The following ROBO1 variants were observed in gnomAD, a reference collection of about 807,000 sequenced individuals.
ROBO1 encodes roundabout homolog 1.
In ROBO1, 149 loss-of-function variants were observed where a neutral mutation model predicts 195.9. The ratio of observed to expected loss-of-function variants is 0.76; its 90% CI spans 0.67 to 0.87. ROBO1 has a LOEUF of 0.87. Among genes scored for constraint, ROBO1 ranks in the 40% least tolerant of loss-of-function variants. ROBO1 has a pLI of 0.00. For missense variants in ROBO1, 1,933 were observed against 2,068.3 expected, an observed-to-expected ratio of 0.93 and a Z score of 1.27; for synonymous variants, 816 against 733.2, an observed-to-expected ratio of 1.11 and a Z score of -1.82.
At chr3:78,954,225 A>G (rs2040928586) in intron 3 of ROBO1, among the ~76,000 whole-genome samples, 1 of 152,058 alleles carries the variant, frequency 6.6e-6, no homozygotes, top group Non-Finnish European at 1.5e-5. Context: ...CTGACTAACT[A>G]AAGCCATCTA....
chr3:79,460,047 T>A (rs2039754793), intron 2 of ROBO1, among the ~76,000 whole-genome samples: 1 of 152,154 alleles, frequency 6.6e-6, no homozygotes, highest in South Asian at 2.1e-4. Context: ...AGCATCAATT[T>A]TGATTCAAAA....
chr3:79,344,962 C>T (rs770918608), intron 2 of ROBO1, among the ~76,000 whole-genome samples: 2 of 152,132 alleles, frequency 1.3e-5, no homozygotes, highest in African/African-American at 2.4e-5. Context: ...GACTGCTTCC[C>T]CTTCCACCAT....
intron 4 of ROBO1, among the ~76,000 whole-genome samples, chr3:78,861,068 A>G (rs891115148): frequency 3.9e-5 from 6 of 152,088 alleles, no homozygotes; most frequent in African/African-American, 1.2e-4. Flanking sequence ...AATTTCCTAT[A>G]GATATATCTG....
chr3:79,625,839 G>A (rs764008457), intron 1 of ROBO1, among the ~76,000 whole-genome samples: 4 of 152,046 alleles, frequency 2.6e-5, no homozygotes, highest in East Asian at 1.9e-4. Flanking sequence ...AAGGGGGGAC[G>A]CCTCTCTAAC....
chr3:79,680,202 TA>T (rs1468169232), intron 1 of ROBO1, among the ~76,000 whole-genome samples: 1 of 151,914 alleles, frequency 6.6e-6, no homozygotes, highest in African/African-American at 2.4e-5. Context: ...AAGTGACACT[TA>T]TCATTTTCAT....
intron 3 of ROBO1, among the ~76,000 whole-genome samples, chr3:79,082,531 T>A (rs2079292988): frequency 6.6e-6 from 1 of 152,210 alleles, no homozygotes; most frequent in Admixed American, 6.5e-5. Context: ...AATAAATATT[T>A]ACAAGAGTGT....
chr3:79,689,725 G>A (rs1947244221), intron 1 of ROBO1, among the ~76,000 whole-genome samples: 1 of 151,920 alleles, frequency 6.6e-6, no homozygotes, highest in Admixed American at 6.6e-5. Context: ...TTAGCAATAT[G>A]CTAATACTTT....
At chr3:78,963,521 C>CTTT (rs1374749983) in intron 3 of ROBO1, among the ~76,000 whole-genome samples, 5 of 53,878 alleles carry the variant, frequency 9.3e-5, no homozygotes, top group East Asian at 1.4e-3. Flanking sequence ...TTTTTTTTTT[C>CTTT]TTTTTTTTTT....
intron 2 of ROBO1, among the ~76,000 whole-genome samples, chr3:79,324,147 C>G (rs1280842087): frequency 6.6e-6 from 1 of 152,330 alleles, no homozygotes; most frequent in Non-Finnish European, 1.5e-5. Context: ...TGACCTCACA[C>G]TGGCCATAAG....
At chr3:79,506,689 C>T (rs10154835) in intron 2 of ROBO1, among the ~76,000 whole-genome samples, 46,384 of 151,978 alleles carry the variant, frequency 0.31, 7,340 homozygotes, top group Non-Finnish European at 0.35. Flanking sequence ...GTGATCCACC[C>T]GCCTTGGCCT....
chr3:79,469,954 G>A (rs1437873288), intron 2 of ROBO1, among the ~76,000 whole-genome samples: 1 of 152,174 alleles, frequency 6.6e-6, no homozygotes, highest in African/African-American at 2.4e-5. Flanking sequence ...AGAAGTGGCT[G>A]AGAAGGAGCA....
intron 2 of ROBO1, among the ~76,000 whole-genome samples, chr3:79,324,612 AG>A (rs1393468843): frequency 6.6e-6 from 1 of 152,174 alleles, no homozygotes; most frequent in Non-Finnish European, 1.5e-5. Context: ...AGACAAAAAA[AG>A]CTTGGAATGG....
At chr3:79,095,215 A>G (rs1036024008) in intron 3 of ROBO1, among the ~76,000 whole-genome samples, 4 of 152,046 alleles carry the variant, frequency 2.6e-5, no homozygotes, top group African/African-American at 9.7e-5. Context: ...CCTTCATTCA[A>G]GAGGTGTTGC....
rs374159659 is a variant in ROBO1 at position 79,523,010 on chromosome 3, C to T, written c.88+66814G>A. ...CATTTATGAAGTGCATGTTAAAGGT[C>T]TGTGTCAAGTGTGCTTTACAATCAG... is the stretch of plus-strand genomic sequence containing the variant. On this transcript the variant is annotated intron_variant, in intron 2 of 30. Transcript: ENST00000464233. Among the ~76,000 whole-genome samples, 5 of 152,228 alleles carry T rather than the reference C, an allele frequency of 3.3e-5. No individual in the cohort carries two copies. The East Asian group carries it at 9.6e-4, about 29-fold the overall frequency.
chr3:79,001,736 C>A (rs1020973071), intron 3 of ROBO1, among the ~76,000 whole-genome samples: 1 of 152,024 alleles, frequency 6.6e-6, no homozygotes, highest in African/African-American at 2.4e-5. Flanking sequence ...GAGCTTATCA[C>A]TATAATTTCC....
intron 4 of ROBO1, among the ~76,000 whole-genome samples, chr3:78,835,194 AT>A (rs1268320209): frequency 6.6e-6 from 1 of 152,026 alleles, no homozygotes; most frequent in African/African-American, 2.4e-5. Flanking sequence ...AAACTAAAAT[AT>A]TTTTTCTTCT....
At chr3:79,547,527 T>A (rs1008209245) in intron 2 of ROBO1, among the ~76,000 whole-genome samples, 1 of 152,186 alleles carries the variant, frequency 6.6e-6, no homozygotes, top group Non-Finnish European at 1.5e-5. Flanking sequence ...AATTTCCAAA[T>A]ATATATAATT....
At chr3:79,482,656 A>G (rs1303119881) in intron 2 of ROBO1, among the ~76,000 whole-genome samples, 1 of 152,188 alleles carries the variant, frequency 6.6e-6, no homozygotes, top group African/African-American at 2.4e-5. Flanking sequence ...AATAATAATA[A>G]GGATCACTTA....
chr3:78,954,792 A>T (rs564419072), intron 3 of ROBO1, among the ~76,000 whole-genome samples: 8 of 152,202 alleles, frequency 5.3e-5, no homozygotes, highest in African/African-American at 1.9e-4. Context: ...CTCAATATAC[A>T]GAACATGAGC....
Sources: allele counts gnomAD v4.1 joint callset (sites outside exome capture counted in the v4.1 genomes callset), GRCh38; gene constraint gnomAD v4.1.1; transcripts MANE v1.5; gene names NCBI Gene and HGNC (gene_info 2026-07-23, HGNC 2026-07-21).